WWP2: variants seen among roughly 807,000 people sequenced by gnomAD.
WWP2 encodes the protein NEDD4-like E3 ubiquitin-protein ligase WWP2.
Under a neutral mutation model 121.0 loss-of-function variants are expected in WWP2, and 57 were observed. The ratio of observed to expected loss-of-function variants is 0.47; its 90% CI spans 0.38 to 0.59. The LOEUF (loss-of-function observed/expected upper bound fraction) is 0.59. Among genes scored for constraint, WWP2 ranks in the 20% least tolerant of loss-of-function variants. The pLI is 0.00. For synonymous variants in WWP2, 449 were observed against 441.3 expected, an observed-to-expected ratio of 1.02 and a Z score of -0.22; for missense variants, 962 against 1,158.9, an observed-to-expected ratio of 0.83 and a Z score of 2.47.
chr16:69,812,161 CTT>C (rs1021541952), intron 4 of WWP2, among the ~76,000 whole-genome samples: 7 of 108,466 alleles, frequency 6.5e-5, no homozygotes, highest in African/African-American at 1.9e-4. Flanking sequence ...GAGTACAGAC[CTT>C]TTTTTTTTTT....
At chr16:69,787,162 C>T in intron 2 of WWP2, 82 bp downstream of exon 2, 1 of 1,196,328 alleles carries the variant, frequency 8.4e-7, no homozygotes. Context: ...TCTGGGGAGC[C>T]AAATTTTGTG....
intron 4 of WWP2, among the ~76,000 whole-genome samples, chr16:69,811,805 A>T (rs1450062576): frequency 6.6e-6 from 1 of 152,096 alleles, no homozygotes; most frequent in African/African-American, 2.4e-5. Context: ...TAGAACAAAG[A>T]ACTCCTCAAT....
At position 69,892,266 on chromosome 16, in the gene WWP2, C is replaced by T. The variant is rs145746985; in HGVS notation, c.914+4017C>T. ...TGCAGTTTCGTTACATAGGTATACA[C>T]GTGCCATGGTGGTTTGCTGTACCCA... On this transcript the variant is annotated intron_variant, in intron 8 of 23. Transcript: ENST00000359154. Among the ~76,000 whole-genome samples the T allele has an allele frequency of 4.6e-3, 694 of 152,106 alleles. 9 individuals carry two copies. The highest frequency in any genetic ancestry group is 0.016 in the African/African-American group (658 of 41,468).
chr16:69,868,835 A>G (rs1253955279), intron 6 of WWP2, among the ~76,000 whole-genome samples: 1 of 152,172 alleles, frequency 6.6e-6, no homozygotes. Context: ...ATTTCTTCCC[A>G]TGAAGTGGGA....
At chr16:69,825,656 T>C (rs2056673846) in intron 4 of WWP2, among the ~76,000 whole-genome samples, 1 of 151,396 alleles carries the variant, frequency 6.6e-6, no homozygotes, top group South Asian at 2.1e-4. Context: ...TACAGGGTTT[T>C]GTTCTGTTGC....
At chr16:69,912,271 G>A (rs374702444) in intron 9 of WWP2, among the ~76,000 whole-genome samples, 1 of 150,242 alleles carries the variant, frequency 6.7e-6, no homozygotes, top group Non-Finnish European at 1.5e-5. Context: ...TAGCCTGGAC[G>A]ACAGAGCGAG....
In WWP2 at chr16:69,820,660, T is replaced by C. The variant is rs1183407959; in HGVS notation, c.341-19466T>C. Among the ~76,000 whole-genome samples the C allele has an allele frequency of 8.3e-5, 11 of 133,186 alleles. 3 individuals carry two copies. In the Admixed American group the frequency reaches 8.6e-4, roughly 10 times the overall value. 87.4% of individuals were successfully genotyped at this position (133,186 alleles called of 152,430 possible). A position where few individuals can be genotyped will look rare whatever the true frequency, so the allele number is the denominator to read the frequency against. ...AGCATTCCCTGTTTCTCTTCTCTGC[T>C]TTATTTTCTTGTAAGCGGTTCTCCC... is the stretch of plus-strand genomic sequence containing the variant. On this transcript the variant is annotated intron_variant, in intron 4 of 23. Transcript: ENST00000359154.
chr16:69,857,533 T>G (rs1597064442), intron 6 of WWP2, among the ~76,000 whole-genome samples: 2 of 152,324 alleles, frequency 1.3e-5, no homozygotes, highest in East Asian at 3.9e-4. Context: ...AAGAGCTCAT[T>G]GACTGGCTCC....
intron 8 of WWP2, among the ~76,000 whole-genome samples, chr16:69,896,686 C>T (rs890791267): frequency 1.3e-5 from 2 of 151,756 alleles, no homozygotes; most frequent in African/African-American, 4.8e-5. Flanking sequence ...CAAACACCCC[C>T]CCAGAGCTGA....
At chr16:69,847,315 C>T (rs1256888036) in intron 6 of WWP2, among the ~76,000 whole-genome samples, 2 of 151,838 alleles carry the variant, frequency 1.3e-5, no homozygotes, top group Non-Finnish European at 2.9e-5. Flanking sequence ...AAACTCCTGA[C>T]TTCAGGCGAT....
intron 6 of WWP2, among the ~76,000 whole-genome samples, chr16:69,860,933 AG>A (rs1223455802): frequency 6.6e-6 from 1 of 152,126 alleles, no homozygotes; most frequent in Non-Finnish European, 1.5e-5. Context: ...CTGGAGCTAT[AG>A]TAAAAGGAGG....
intron 8 of WWP2, among the ~76,000 whole-genome samples, chr16:69,902,687 A>G (rs954908230): frequency 6.6e-6 from 1 of 152,216 alleles, no homozygotes; most frequent in African/African-American, 2.4e-5. Context: ...TATAAGTGAC[A>G]GAAATATAAC....
At chr16:69,863,376 A>G (rs1338683347) in intron 6 of WWP2, among the ~76,000 whole-genome samples, 1 of 152,210 alleles carries the variant, frequency 6.6e-6, no homozygotes, top group Non-Finnish European at 1.5e-5. Context: ...GTGATGGCTC[A>G]TGCCTGTAAT....
At chr16:69,912,369 T>TCACACACACA (rs3051446) in intron 9 of WWP2, among the ~76,000 whole-genome samples, 124 of 140,290 alleles carry the variant, frequency 8.8e-4, no homozygotes, top group African/African-American at 3.0e-3. Flanking sequence ...GGAGTTAGAT[T>TCACACACACA]CACACACACA....
rs1215595478 is a variant in WWP2, at chr16:69,871,866, G to C, written c.638G>C (p.Gly213Ala). 4 of 1,614,104 alleles carry C rather than the reference G, an allele frequency of 2.5e-6. No homozygotes were observed. The highest frequency in any genetic ancestry group is 1.1e-5 in the South Asian group (1 of 91,084). Residue 213 changes from glycine to alanine, a missense_variant, in exon 7 of 24, where the codon GGT (glycine) becomes GCT (alanine). Around this residue, in one of 3 missense-constraint regions of WWP2, gnomAD observed 211 missense variants for 196.5 expected, o/e 1.07. Coordinates refer to ENST00000359154, the MANE Select transcript of WWP2 (RefSeq NM_001270454.2). Reference sequence around the variant, plus strand: ...CCAGCAACCGGCGAGCAAAGCCCCGGTGCTCGGAGCCGGCACCGCCAGCCC... The same window carrying C: ...CCAGCAACCGGCGAGCAAAGCCCCGCTGCTCGGAGCCGGCACCGCCAGCCC... ...TTPATGEQSP[G>A]ARSRHRQPVK...
intron 1 of WWP2, among the ~76,000 whole-genome samples, chr16:69,785,292 C>T (rs1337563554): frequency 3.3e-5 from 5 of 151,068 alleles, no homozygotes; most frequent in African/African-American, 1.2e-4. Flanking sequence ...GGAAGGGGAG[C>T]GGATATGAGT....
chr16:69,893,663 T>C (rs1020201189), intron 8 of WWP2, among the ~76,000 whole-genome samples: 2 of 152,206 alleles, frequency 1.3e-5, no homozygotes, highest in Non-Finnish European at 2.9e-5. Context: ...TGCCTCAGCC[T>C]CCCAAGTAGC....
chr16:69,898,171 G>A (rs551764119), intron 8 of WWP2, among the ~76,000 whole-genome samples: 2 of 151,854 alleles, frequency 1.3e-5, no homozygotes, highest in South Asian at 4.2e-4. Context: ...GGGATTACAG[G>A]CATCTACCAC....
chr16:69,905,423 C>G (rs186108270), intron 8 of WWP2, among the ~76,000 whole-genome samples: 164 of 152,276 alleles, frequency 1.1e-3, no homozygotes, highest in Non-Finnish European at 2.0e-3. Flanking sequence ...CTAGAAATGT[C>G]TGTGGACCCA....
Sources: allele counts gnomAD v4.1 joint callset (sites outside exome capture counted in the v4.1 genomes callset), GRCh38; gene constraint gnomAD v4.1.1; regional missense constraint gnomAD v4.1.1; transcripts MANE v1.5; gene names NCBI Gene and HGNC (gene_info 2026-07-23, HGNC 2026-07-21).